Variants in DST observed in about 807,000 individuals in gnomAD.
DST encodes the protein bullous pemphigoid antigen.
DST carries 253 observed loss-of-function variants against 875.2 expected under a neutral mutation model. The observed-to-expected ratio is 0.29, with a 90% confidence interval of 0.26 to 0.32. The LOEUF (loss-of-function observed/expected upper bound fraction) is 0.32, where lower values mean the gene tolerates loss of function less well. Ranked by LOEUF, DST falls within the 10% of genes least tolerant of loss-of-function variation. The probability of loss-of-function intolerance (pLI) is 1.00; values close to 1 mark genes in which losing one functional copy is unlikely to be tolerated. For synonymous variants in DST, 3,124 were observed against 3,197.1 expected, an observed-to-expected ratio of 0.98 and a Z score of 0.77; for missense variants, 8,287 against 9,111.6, an observed-to-expected ratio of 0.91 and a Z score of 3.68.
chr6:56,461,711 C>CAG (rs1259165832), intron 102 of DST: 7 of 152,214 alleles, frequency 4.6e-5, no homozygotes, highest in African/African-American at 1.4e-4. Flanking sequence ...ATTTTGAACA[C>CAG]AGCATCATAG....
At chr6:56,892,612 C>T (rs976101386) in intron 3 of DST, among the ~76,000 whole-genome samples, 2 of 152,164 alleles carry the variant, frequency 1.3e-5, no homozygotes, top group East Asian at 1.9e-4. Context: ...AGGTGTGAGC[C>T]GCCACGCCCA....
At chr6:56,736,696 C>T (rs1044493676) in intron 4 of DST, among the ~76,000 whole-genome samples, 4 of 152,042 alleles carry the variant, frequency 2.6e-5, no homozygotes, top group African/African-American at 9.7e-5. Context: ...AAATGTTTGT[C>T]CTATTTATTA....
At chr6:56,530,448 C>T (rs942390182) in intron 64 of DST, among the ~76,000 whole-genome samples, 3 of 152,138 alleles carry the variant, frequency 2.0e-5, no homozygotes, top group East Asian at 3.9e-4. Context: ...GTAATAGTAA[C>T]GACAACAGGT....
At position 56,573,855 on chromosome 6, in the gene DST, T is replaced by G; in HGVS notation, c.13060A>C (p.Lys4354Gln). The change falls in exon 51 of 104, where the codon AAG becomes CAG. Residue 4354 changes from lysine (K) to glutamine (Q), a missense_variant. Physicochemically the swap from Lys to Gln is moderately conservative, Grantham distance 53. Coordinates refer to ENST00000680361, the MANE Select transcript of DST (RefSeq NM_001374736.1). ...TTTTCATTTCGTTCATTAACAGACT[T>G]GGACAGATCCTCATATCTCCCAACA... ...DIVGRYEDLS[K>Q]SVNERNEKLQ... The G allele has an allele frequency of 1.9e-6, 3 of 1,613,258 alleles. No individual in the cohort carries two copies.
At position 56,510,763 on chromosome 6, in the gene DST, A is replaced by T. The variant is rs545012492; in HGVS notation, c.18780+434T>A. Among the ~76,000 whole-genome samples the T allele has an allele frequency of 7.2e-5, 11 of 152,348 alleles. No homozygotes were observed. In the South Asian group the frequency reaches 2.3e-3, roughly 32 times the overall value. ...CAACTTCTTGAAAAAAGATATTTTC[A>T]GAAAAGAAAAAACCATCAATATCCA... On this transcript the variant is annotated intron_variant, in intron 73 of 103. Transcript: ENST00000680361.
chr6:56,617,609 C>T (rs1036034338), intron 36 of DST, among the ~76,000 whole-genome samples: 1 of 151,938 alleles, frequency 6.6e-6, no homozygotes, highest in Admixed American at 6.6e-5. Context: ...TCTTAGATGA[C>T]AATTAAAGGT....
chr6:56,692,737 C>T lies in DST; in HGVS notation c.1047+6916G>A, dbSNP rs776439051. The T allele has an allele frequency of 4.7e-6, 6 of 1,289,548 alleles. No individual in the cohort carries two copies. The South Asian group carries it at 6.2e-5, about 13-fold the overall frequency. The allele number at this position is 1,289,548 out of a possible 1,614,324, so 79.9% of individuals were successfully genotyped here. On this transcript the variant is annotated intron_variant, in intron 9 of 103. Coordinates refer to ENST00000680361, the MANE Select transcript of DST (RefSeq NM_001374736.1). Reference sequence around the variant, plus strand: ...TTCTGAAATCCTTTCATCCAGTTCACTAACTTTTACTTCTGTTTCACTGTC... The same window carrying T: ...TTCTGAAATCCTTTCATCCAGTTCATTAACTTTTACTTCTGTTTCACTGTC...
chr6:56,564,637 C>T (rs944385378), intron 55 of DST, among the ~76,000 whole-genome samples: 1 of 152,186 alleles, frequency 6.6e-6, no homozygotes, highest in Admixed American at 6.5e-5. Flanking sequence ...AGAGGGCATC[C>T]TTGTCTTGTG....
At chr6:56,460,792 T>G (rs2094289647) in intron 102 of DST, 2 of 152,202 alleles carry the variant, frequency 1.3e-5, no homozygotes. Context: ...AGAAAAAAAG[T>G]GATTTTTAAA....
chr6:56,606,430 A>G lies in DST; in HGVS notation c.8198T>C (p.Leu2733Pro), dbSNP rs775682484. 45 of 1,613,378 alleles carry G rather than the reference A, an allele frequency of 2.8e-5. 1 individual carries two copies. The South Asian group carries it at 4.7e-4, about 17-fold the overall frequency. ...TGSERECTNI[L>P]EGDESDSLTD... The stretch of plus-strand genomic sequence containing the variant: ...CAATGAGTCAGATTCATCACCTTCA[A>G]GGATATTTGTGCATTCCCTTTCTGA... The change falls in exon 40 of 104, where the codon CTT (leucine) becomes CCT (proline). Residue 2733 changes from leucine to proline, a missense_variant. This residue lies in a region of DST where 3,138 missense variants were observed against 3,116.6 expected (regional missense o/e 1.01). Coordinates refer to ENST00000680361, the MANE Select transcript of DST (RefSeq NM_001374736.1).
chr6:56,820,585 A>G (rs1591139582), intron 4 of DST, among the ~76,000 whole-genome samples: 1 of 152,172 alleles, frequency 6.6e-6, no homozygotes, highest in African/African-American at 2.4e-5. Flanking sequence ...ATGCTACTGC[A>G]TATCTCTTCC....
At chr6:56,572,663 A>G (rs931767107) in intron 52 of DST, 84 bp downstream of exon 52, 11 of 1,009,882 alleles carry the variant, frequency 1.1e-5, no homozygotes, top group Non-Finnish European at 1.5e-5. Context: ...ATGATTGCCA[A>G]TTATAATTCT....
At chr6:56,747,343 T>C (rs936987009) in intron 4 of DST, among the ~76,000 whole-genome samples, 2 of 152,210 alleles carry the variant, frequency 1.3e-5, no homozygotes, top group Non-Finnish European at 2.9e-5. Flanking sequence ...CCTGCCTTCC[T>C]GTAAGTGCAG....
At chr6:56,920,698 C>T (rs141991513) in intron 2 of DST, among the ~76,000 whole-genome samples, 13 of 150,262 alleles carry the variant, frequency 8.7e-5, no homozygotes, top group African/African-American at 2.4e-4. Flanking sequence ...ATGCCATCAA[C>T]AGCGGTTTTT....
intron 71 of DST, among the ~76,000 whole-genome samples, chr6:56,516,312 G>C (rs995183273): frequency 4.6e-5 from 7 of 151,982 alleles, no homozygotes; most frequent in Non-Finnish European, 2.9e-5. Context: ...AAAACTAATA[G>C]CAGAAGAAGA....
chr6:56,866,389 G>A (rs1346029966), intron 3 of DST, among the ~76,000 whole-genome samples: 1 of 152,132 alleles, frequency 6.6e-6, no homozygotes, highest in Admixed American at 6.5e-5. Context: ...TTGCCTCCTT[G>A]TCCTCAACGA....
chr6:56,584,273 C>G (rs2098094548), intron 49 of DST, among the ~76,000 whole-genome samples: 1 of 151,690 alleles, frequency 6.6e-6, no homozygotes, highest in African/African-American at 2.4e-5. Flanking sequence ...TTTCATTGAG[C>G]AGTGGTTTGT....
chr6:56,921,612 A>G (rs1326859594), intron 2 of DST, among the ~76,000 whole-genome samples: 1 of 152,244 alleles, frequency 6.6e-6, no homozygotes, highest in Non-Finnish European at 1.5e-5. Flanking sequence ...TTTTAAAATA[A>G]TGAAGCACAT....
intron 4 of DST, among the ~76,000 whole-genome samples, chr6:56,822,991 G>A (rs1036223356): frequency 1.3e-5 from 2 of 151,404 alleles, no homozygotes; most frequent in African/African-American, 4.9e-5. Flanking sequence ...TACCAAGCCT[G>A]GCTAATTTTT....
Sources: gnomAD v4.1 joint callset for allele counts (sites outside exome capture counted in the v4.1 genomes callset) on GRCh38, gnomAD v4.1.1 for gene constraint, gnomAD v4.1.1 regional missense constraint, MANE v1.5 for transcripts, NCBI Gene and HGNC (gene_info 2026-07-23, HGNC 2026-07-21) for gene names.